EBF4: variants seen among roughly 807,000 people sequenced by gnomAD.
EBF4 encodes transcription factor COE4.
A neutral mutation model predicts 67.1 loss-of-function variants in EBF4; 34 were observed. The ratio of observed to expected loss-of-function variants is 0.51; its 90% CI spans 0.39 to 0.67. EBF4 has a LOEUF of 0.67. Ranked by LOEUF, EBF4 falls within the 30% of genes least tolerant of loss-of-function variation. The pLI, the probability that EBF4 is intolerant of heterozygous loss-of-function variation, is 0.00. For synonymous variants in EBF4, 387 were observed against 377.7 expected (o/e 1.02, Z -0.29); for missense variants, 837 against 873.3 (o/e 0.96, Z 0.52).
intron 6 of EBF4, among the ~76,000 whole-genome samples, chr20:2,712,669 G>C (rs1469083658): frequency 1.3e-5 from 2 of 152,176 alleles, no homozygotes; most frequent in East Asian, 3.9e-4. Flanking sequence ...AATCATCGAG[G>C]GGATGAGTGT....
At chr20:2,710,637 A>G (rs1397792043) in intron 6 of EBF4, among the ~76,000 whole-genome samples, 3 of 151,924 alleles carry the variant, frequency 2.0e-5, no homozygotes, top group Non-Finnish European at 2.9e-5. Context: ...TCTCCTTTTA[A>G]TAGAAAAAGC....
chr20:2,733,690 T>C (rs2087843526), intron 6 of EBF4, among the ~76,000 whole-genome samples: 1 of 151,756 alleles, frequency 6.6e-6, no homozygotes, highest in Non-Finnish European at 1.5e-5. Flanking sequence ...TCCCACCAAA[T>C]GAGATATGTT....
rs762350017 is a variant in EBF4, at chr20:2,750,023, C to G, written c.1018+50C>G. The G allele has an allele frequency of 2.0e-6, 3 of 1,504,912 alleles. No homozygotes were observed. The South Asian group carries it at 3.9e-5, about 20-fold the overall frequency. The allele number at this position is 1,504,912 out of a possible 1,614,324, so 93.2% of individuals were successfully genotyped here. A position where few individuals can be genotyped will look rare whatever the true frequency, so the allele number is the denominator to read the frequency against. On this transcript the variant is annotated intron_variant, in intron 10 of 16. Coordinates refer to ENST00000609451, the Ensembl canonical transcript of EBF4. Reference sequence around the variant, plus strand: ...AGGTCTAAGGTGCGCGGAGGGAGCCCCACCCTGCGCACTGGTCTCCGTTCT... The same window carrying G: ...AGGTCTAAGGTGCGCGGAGGGAGCCGCACCCTGCGCACTGGTCTCCGTTCT...
chr20:2,743,328 A>G (rs1220175512), intron 6 of EBF4, among the ~76,000 whole-genome samples: 1 of 152,190 alleles, frequency 6.6e-6, no homozygotes, highest in Non-Finnish European at 1.5e-5. Context: ...CTCTAGGTCC[A>G]GGGGAGAGCC....
chr20:2,759,007 CCTCCCCCG>C (rs1476453241), intron 16 of EBF4, 23 bp downstream of exon 16: 2 of 1,546,230 alleles, frequency 1.3e-6, no homozygotes, highest in Admixed American at 2.0e-5. Context: ...CTGGGTCTGG[CCTCCCCCG>C]CCCCACCTGG....
rs545468579 is a variant in EBF4 at position 2,744,205 on chromosome 20, C to T, written c.558-4344C>T. ...AAGTGATTCTCCTGCCTCAGCCTCCCGAGTAGCTGGGATTACAGGCGCCTG... is the reference window on the plus strand; with the variant it reads ...AAGTGATTCTCCTGCCTCAGCCTCCTGAGTAGCTGGGATTACAGGCGCCTG... On this transcript the variant is annotated intron_variant, in intron 6 of 16. Transcript: ENST00000609451. Among the ~76,000 whole-genome samples the T allele has an allele frequency of 1.7e-4, 26 of 151,754 alleles. No individual in the cohort carries two copies. The South Asian group carries it at 3.8e-3, about 22-fold the overall frequency.
chr20:2,714,299 T>TTTCC (rs1293925751), intron 6 of EBF4, among the ~76,000 whole-genome samples: 1 of 151,888 alleles, frequency 6.6e-6, no homozygotes, highest in Non-Finnish European at 1.5e-5. Flanking sequence ...TCCTTCCTTC[T>TTTCC]TTCCTTCCTT....
intron 6 of EBF4, among the ~76,000 whole-genome samples, chr20:2,741,565 T>G (rs1399152705): frequency 6.6e-6 from 1 of 152,208 alleles, no homozygotes; most frequent in Admixed American, 6.5e-5. Flanking sequence ...GACAAGACGT[T>G]TCTTTTCATT....
rs2087245940 is a variant in EBF4 at position 2,693,716 on chromosome 20, G to A, written c.71G>A (p.Gly24Asp). ...AAGGAGGAGCCGCTGCTGCCCGCCG[G>A]CCTGGGCTCAGTGCGCTCCTGGATG... The change falls in exon 1 of 17, where the codon GGC becomes GAC. Residue 24 changes from glycine (G) to aspartate (D), a missense_variant. Physicochemically the swap from Gly to Asp is moderately conservative, Grantham distance 94. Around this residue, in one of 3 missense-constraint regions of EBF4, gnomAD observed 86 missense variants for 70.3 expected, o/e 1.22. Transcript: ENST00000609451. The surrounding 1 kb of genome is among the most constrained non-coding windows in gnomAD (Gnocchi z 4.6). The A allele has an allele frequency of 2.8e-6, 4 of 1,407,432 alleles. No individual in the cohort carries two copies. The highest frequency in any genetic ancestry group is 3.2e-5 in the Admixed American group (1 of 31,516). 87.2% of individuals were successfully genotyped at this position (1,407,432 alleles called of 1,614,324 possible).
At chr20:2,746,957 A>G (rs917089664) in intron 6 of EBF4, among the ~76,000 whole-genome samples, 2 of 152,186 alleles carry the variant, frequency 1.3e-5, no homozygotes, top group African/African-American at 4.8e-5. Flanking sequence ...ACAGAGTGCT[A>G]TAAGGCATAA....
At chr20:2,760,049 GAAC>G (rs1458716254), downstream of EBF4, 7 of 152,290 alleles carry the variant, frequency 4.6e-5, no homozygotes, top group Admixed American at 2.0e-4. The surrounding 1 kb of genome is among the most constrained non-coding windows in gnomAD (Gnocchi z 4.2). Flanking sequence ...GGAGAAAACA[GAAC>G]AATAAACCAG....
intron 6 of EBF4, among the ~76,000 whole-genome samples, chr20:2,744,750 C>T (rs2088025066): frequency 6.6e-6 from 1 of 151,952 alleles, no homozygotes; most frequent in Admixed American, 6.6e-5. Flanking sequence ...CCTCAGCCTC[C>T]CAAAATGCTG....
intron 6 of EBF4, among the ~76,000 whole-genome samples, chr20:2,744,382 C>T (rs568935082): frequency 5.3e-5 from 8 of 152,146 alleles, no homozygotes; most frequent in African/African-American, 1.7e-4. Flanking sequence ...AGTCACTTTC[C>T]CCTAGAGACA....
intron 6 of EBF4, among the ~76,000 whole-genome samples, chr20:2,718,406 G>A (rs8116111): frequency 0.037 from 5,680 of 152,208 alleles, 228 homozygotes; most frequent in African/African-American, 0.099. Context: ...TCACCATAAA[G>A]CCATCTGGGG....
In EBF4 at chr20:2,696,392, A is replaced by G. The variant is rs1050238898; in HGVS notation, c.137+2610A>G. On this transcript the variant is annotated intron_variant, in intron 1 of 16. Coordinates refer to ENST00000609451, the Ensembl canonical transcript of EBF4. The surrounding 1 kb of genome is among the most constrained non-coding windows in gnomAD (Gnocchi z 4.7). ...GAGGCTGAGGTGGGAGGATTGCTTG[A>G]GCCCGGGAGGCAGAGGCTTCGGTGA... Among the ~76,000 whole-genome samples the G allele has an allele frequency of 2.0e-5, 3 of 152,132 alleles. No individual in the cohort carries two copies. The highest frequency in any genetic ancestry group is 7.2e-5 in the African/African-American group (3 of 41,420).
At position 2,749,992 on chromosome 20, in the gene EBF4, G is replaced by A; in HGVS notation, c.1018+19G>A. 1 of 1,543,168 alleles carries A rather than the reference G, an allele frequency of 6.5e-7. No homozygotes were observed. Among genetic ancestry groups the A allele is most frequent in the Non-Finnish European group, 8.8e-7 (1 of 1,142,524 alleles). On this transcript the variant is annotated intron_variant, in intron 10 of 16. Transcript: ENST00000609451. ...TACACAGGTAAGGAGTCGGGCGGGG[G>A]AGTGGAGGTCTAAGGTGCGCGGAGG...
chr20:2,722,438 T>A (rs1212924877), intron 6 of EBF4, among the ~76,000 whole-genome samples: 2 of 152,206 alleles, frequency 1.3e-5, no homozygotes, highest in Non-Finnish European at 2.9e-5. Context: ...TCAGATAGTT[T>A]TCTCACATGC....
intron 14 of EBF4, among the ~76,000 whole-genome samples, chr20:2,754,035 C>T (rs946219200): frequency 3.3e-5 from 5 of 152,200 alleles, no homozygotes; most frequent in Non-Finnish European, 7.3e-5. Context: ...ACACTCTGCC[C>T]CAGTGTGCAG....
chr20:2,723,840 T>C (rs2087716368), intron 6 of EBF4, among the ~76,000 whole-genome samples: 1 of 152,234 alleles, frequency 6.6e-6, no homozygotes, highest in Non-Finnish European at 1.5e-5. Flanking sequence ...TATTGCTTTG[T>C]GCTTTCTATT....
Sources: gnomAD v4.1 joint callset for allele counts (sites outside exome capture counted in the v4.1 genomes callset) on GRCh38, gnomAD v4.1.1 for gene constraint, gnomAD v4.1.1 regional missense constraint, Gnocchi (gnomAD v3.1) non-coding constraint, MANE v1.5 for transcripts, NCBI Gene and HGNC (gene_info 2026-07-23, HGNC 2026-07-21) for gene names.